PSD3: variants seen among roughly 807,000 people sequenced by gnomAD.
PSD3 encodes the protein pleckstrin and Sec7 domain containing 3.
Under a neutral mutation model 105.5 loss-of-function variants are expected in PSD3, and 49 were observed. The ratio of observed to expected loss-of-function variants is 0.46; its 90% CI spans 0.37 to 0.59. The LOEUF is 0.59. PSD3 is among the 20% of genes least tolerant of loss of function. PSD3 has a pLI of 0.00. For synonymous variants in PSD3, 557 were observed against 457.8 expected, an observed-to-expected ratio of 1.22 and a Z score of -2.77; for missense variants, 1,561 against 1,263.8, an observed-to-expected ratio of 1.24 and a Z score of -3.57.
At chr8:18,755,231 C>G (rs564753691) in intron 9 of PSD3, among the ~76,000 whole-genome samples, 4 of 152,128 alleles carry the variant, frequency 2.6e-5, no homozygotes, top group Non-Finnish European at 4.4e-5. Context: ...GAGTTCGAGA[C>G]CAGCCTGGTC....
chr8:18,683,818 T>C (rs1474787570), intron 9 of PSD3: 4 of 765,220 alleles, frequency 5.2e-6, no homozygotes, highest in Non-Finnish European at 9.6e-6. Flanking sequence ...GAAATTTTCA[T>C]GGACTTTGAC....
intron 10 of PSD3, among the ~76,000 whole-genome samples, chr8:18,639,736 G>A (rs577390363): frequency 2.6e-4 from 39 of 152,204 alleles, no homozygotes; most frequent in Non-Finnish European, 5.3e-4. Context: ...CAATAAATCT[G>A]GGTTTTTAAA....
At chr8:18,838,691 C>G (rs537445740) in intron 4 of PSD3, among the ~76,000 whole-genome samples, 1 of 151,558 alleles carries the variant, frequency 6.6e-6, no homozygotes, top group Non-Finnish European at 1.5e-5. Flanking sequence ...GTCCCAGCTA[C>G]TTCGGGAGGC....
intron 14 of PSD3, among the ~76,000 whole-genome samples, chr8:18,569,042 T>C (rs1368118699): frequency 7.6e-6 from 1 of 131,344 alleles, no homozygotes; most frequent in Non-Finnish European, 1.7e-5. Flanking sequence ...GAACTCATCA[T>C]TTTTTATGGC....
At chr8:18,565,779 C>T (rs1241382599) in intron 14 of PSD3, among the ~76,000 whole-genome samples, 1 of 152,094 alleles carries the variant, frequency 6.6e-6, no homozygotes, top group Non-Finnish European at 1.5e-5. Flanking sequence ...CATCCACTGG[C>T]TAAAGCAGTG....
intron 9 of PSD3, among the ~76,000 whole-genome samples, chr8:18,741,832 TG>T (rs1804603890): frequency 6.8e-6 from 1 of 146,602 alleles, no homozygotes; most frequent in African/African-American, 2.5e-5. Flanking sequence ...CTATGCCATA[TG>T]GTTACCAACA....
intron 9 of PSD3, among the ~76,000 whole-genome samples, chr8:18,714,136 T>C (rs1413809861): frequency 6.6e-6 from 1 of 152,100 alleles, no homozygotes; most frequent in Non-Finnish European, 1.5e-5. Context: ...TAACTCAAGA[T>C]GGATTAAAGA....
At chr8:18,635,039 A>C (rs141736237) in intron 10 of PSD3, among the ~76,000 whole-genome samples, 2 of 152,302 alleles carry the variant, frequency 1.3e-5, no homozygotes, top group Non-Finnish European at 2.9e-5. Context: ...GTAAGTATGG[A>C]CACATGGATA....
chr8:18,755,319 A>C (rs1227469780), intron 9 of PSD3, among the ~76,000 whole-genome samples: 1 of 152,078 alleles, frequency 6.6e-6, no homozygotes, highest in African/African-American at 2.4e-5. Context: ...AATCTCAGCT[A>C]CTTGGGAGGC....
At chr8:19,058,942 G>C (rs182188442) in intron 1 of PSD3, among the ~76,000 whole-genome samples, 5 of 152,118 alleles carry the variant, frequency 3.3e-5, no homozygotes, top group African/African-American at 1.2e-4. Context: ...CCCATAGCTG[G>C]CCCTCGCGTT....
At chr8:18,662,334 A>G (rs1475038041) in intron 9 of PSD3, among the ~76,000 whole-genome samples, 1 of 152,234 alleles carries the variant, frequency 6.6e-6, no homozygotes, top group African/African-American at 2.4e-5. Flanking sequence ...GGCCTCTTAT[A>G]TAAGGAATAC....
intron 9 of PSD3, among the ~76,000 whole-genome samples, chr8:18,764,156 A>G (rs80346611): frequency 0.028 from 4,289 of 152,172 alleles, 214 homozygotes; most frequent in African/African-American, 0.095. Context: ...CACTATGAAA[A>G]TTTTCCTGTC....
At chr8:18,923,856 T>C (rs1345449252) in intron 2 of PSD3, among the ~76,000 whole-genome samples, 3 of 149,694 alleles carry the variant, frequency 2.0e-5, no homozygotes, top group African/African-American at 7.7e-5. Context: ...AGTCAAATCC[T>C]GCTCCTCAGC....
chr8:19,077,637 G>C (rs962312129), intron 1 of PSD3, among the ~76,000 whole-genome samples: 2 of 152,124 alleles, frequency 1.3e-5, no homozygotes, highest in African/African-American at 4.8e-5. Context: ...TTTTATCAGA[G>C]CTCTCTCAAA....
At chr8:18,791,867 A>G (rs1027614485) in intron 8 of PSD3, among the ~76,000 whole-genome samples, 2 of 152,212 alleles carry the variant, frequency 1.3e-5, no homozygotes, top group Non-Finnish European at 2.9e-5. Context: ...AAGGAATTTA[A>G]ATGTATAAGG....
At chr8:18,717,712 G>T (rs1327471590) in intron 9 of PSD3, among the ~76,000 whole-genome samples, 1 of 152,102 alleles carries the variant, frequency 6.6e-6, no homozygotes, top group African/African-American at 2.4e-5. Context: ...CTGACTTTTT[G>T]ACTCAGTTAG....
chr8:18,811,312 G>A (rs1053861573), intron 4 of PSD3, among the ~76,000 whole-genome samples: 3 of 152,078 alleles, frequency 2.0e-5, no homozygotes, highest in African/African-American at 7.2e-5. Context: ...TATCCATTTT[G>A]CTCCTGCCAG....
chr8:18,761,493 AT>A (rs2129442881), intron 9 of PSD3, among the ~76,000 whole-genome samples: 2 of 152,342 alleles, frequency 1.3e-5, no homozygotes, highest in African/African-American at 4.8e-5. Context: ...AGATGAGGAT[AT>A]TGAAATACAC....
chr8:18,812,327 T>C lies in PSD3; in HGVS notation c.1635-7429A>G, dbSNP rs993620514. On this transcript the variant is annotated intron_variant, in intron 4 of 15. Transcript: ENST00000327040. ...TCTGCAGAGTTGGGGAACGACTTTGTTGTTTAAAGGCCTTGGGGGCCACTA... is the reference window on the plus strand; with the variant it reads ...TCTGCAGAGTTGGGGAACGACTTTGCTGTTTAAAGGCCTTGGGGGCCACTA... Among the ~76,000 whole-genome samples, 45 of 152,330 alleles carry C rather than the reference T, an allele frequency of 3.0e-4. 1 individual carries two copies. Among genetic ancestry groups the C allele is most frequent in the African/African-American group, 2.2e-4 (9 of 41,574 alleles).
Sources: allele counts gnomAD v4.1 joint callset (sites outside exome capture counted in the v4.1 genomes callset), GRCh38; gene constraint gnomAD v4.1.1; transcripts MANE v1.5; gene names NCBI Gene and HGNC (gene_info 2026-07-23, HGNC 2026-07-21).